Variants in UBE4A observed in about 807,000 individuals in gnomAD.
UBE4A encodes ubiquitin conjugation factor E4 A.
Under a neutral mutation model 117.9 loss-of-function variants are expected in UBE4A, and 48 were observed. The observed-to-expected ratio is 0.41, with a 90% CI of 0.32 to 0.52. UBE4A has a LOEUF of 0.52. Ranked by LOEUF, UBE4A falls within the 20% of genes least tolerant of loss-of-function variation. UBE4A has a pLI of 0.33. For synonymous variants in UBE4A, 407 were observed against 450.0 expected (o/e 0.90, Z 1.21); for missense variants, 1,067 against 1,296.3 (o/e 0.82, Z 2.72).
intron 18 of UBE4A, 123 bp downstream of exon 18, chr11:118,390,927 A>G (rs1591308637): frequency 3.1e-6 from 4 of 1,270,664 alleles, no homozygotes. Flanking sequence ...ACTTAAGCCC[A>G]GGAGTTTGAA....
chr11:118,367,396 C>T (rs1948572948), intron 2 of UBE4A, among the ~76,000 whole-genome samples: 1 of 151,922 alleles, frequency 6.6e-6, no homozygotes. Flanking sequence ...TTAAAACAAC[C>T]ATTAAATTGT....
In UBE4A at chr11:118,386,586, T is replaced by G; in HGVS notation, c.2561T>G (p.Ile854Ser). 1 of 1,583,338 alleles carries G rather than the reference T, an allele frequency of 6.3e-7. No individual in the cohort carries two copies. Among genetic ancestry groups the G allele is most frequent in the Non-Finnish European group, 8.6e-7 (1 of 1,168,946 alleles). Reference sequence around the variant, plus strand: ...CATAACATCATGTCCAATGAAACAATCGGTACCCTTGCCTTTCTCACATCA... The same window carrying G: ...CATAACATCATGTCCAATGAAACAAGCGGTACCCTTGCCTTTCTCACATCA... ...RFHNIMSNET[I>S]GTLAFLTSEI... The change falls in exon 16 of 20, where the codon ATC (isoleucine) becomes AGC (serine). Residue 854 changes from isoleucine to serine, a missense_variant. By Grantham distance (142) the Ile-to-Ser change is moderately radical. This residue lies in a region of UBE4A where 1,001 missense variants were observed against 1,184.0 expected (regional missense o/e 0.85). Coordinates refer to ENST00000252108, the MANE Select transcript of UBE4A (RefSeq NM_001204077.2).
chr11:118,372,436 A>G, intron 5 of UBE4A, 71 bp from the exon 6 acceptor site: 2 of 1,477,906 alleles, frequency 1.4e-6, no homozygotes, highest in Non-Finnish European at 1.8e-6. Flanking sequence ...CTTCTATTGT[A>G]TTCACTATGT....
intron 16 of UBE4A, among the ~76,000 whole-genome samples, chr11:118,389,180 G>C (rs1025787358): frequency 2.0e-5 from 3 of 152,144 alleles, no homozygotes; most frequent in Admixed American, 2.0e-4. Flanking sequence ...TTCTGTGATG[G>C]TGAAAATGTC....
At chr11:118,374,632 C>T (rs1020571493) in intron 8 of UBE4A, among the ~76,000 whole-genome samples, 1 of 152,160 alleles carries the variant, frequency 6.6e-6, no homozygotes, top group Non-Finnish European at 1.5e-5. Context: ...GCCAGAAATC[C>T]TTATTGTCTA....
chr11:118,370,913 C>T (rs1223647266), intron 4 of UBE4A, among the ~76,000 whole-genome samples: 1 of 152,176 alleles, frequency 6.6e-6, no homozygotes, highest in Non-Finnish European at 1.5e-5. Context: ...TCATTCAGCA[C>T]CTTGAGAAAA....
chr11:118,373,035 G>T, intron 6 of UBE4A, 51 bp from the exon 7 acceptor site: 1 of 1,499,936 alleles, frequency 6.7e-7, no homozygotes. Context: ...GTGTGTAAAG[G>T]CATATAAAAA....
rs782596932 is a variant in UBE4A at position 118,384,674 on chromosome 11, G to A, written c.2237G>A (p.Arg746His). 7.4e-6 allele frequency: 12 copies of A among 1,613,878 alleles called. No homozygotes were observed. The highest frequency in any genetic ancestry group is 4.2e-6 in the Non-Finnish European group (5 of 1,179,994). ...HQFEQKFNYR[R>H]PMYPILRYMW... ...TTTGAACAGAAGTTTAATTACCGCC[G>A]TCCCATGTATCCTATCCTAAGATAC... The change falls in exon 14 of 20, where the codon CGT becomes CAT. Residue 746 changes from arginine (R) to histidine (H), a missense_variant. Transcript: ENST00000252108.
At position 118,370,091 on chromosome 11, in the gene UBE4A, C is replaced by CA. The variant is rs35175908; in HGVS notation, c.408+568dup. Among the ~76,000 whole-genome samples, 632 of 138,734 alleles carry CA rather than the reference C, an allele frequency of 4.6e-3. 2 individuals are homozygous for CA. Among genetic ancestry groups the CA allele is most frequent in the Non-Finnish European group, 6.1e-3 (388 of 63,248 alleles). 91.0% of individuals were successfully genotyped at this position (138,734 alleles called of 152,430 possible). A position where few individuals can be genotyped will look rare whatever the true frequency, so the allele number is the denominator to read the frequency against. On this transcript the variant is annotated intron_variant, in intron 4 of 19. Transcript: ENST00000252108. ...TGGACAACAGAGCAAGACTCCGTCT[C>CA]AAAAAAAAAAAAGAAAAAATTACAA... is the stretch of plus-strand genomic sequence containing the variant.
chr11:118,373,072 T>A lies in UBE4A; in HGVS notation c.722-14T>A, dbSNP rs1183076091. Reference sequence around the variant, plus strand: ...TCTTGTGCCCTCCTTTCTCTCTCATTTGTCTTCTGTTAGATTTTGAAGATG... The same window carrying A: ...TCTTGTGCCCTCCTTTCTCTCTCATATGTCTTCTGTTAGATTTTGAAGATG... On this transcript the variant is annotated splice_polypyrimidine_tract_variant and intron_variant, in intron 6 of 19. Transcript: ENST00000252108. 6.2e-7 allele frequency: 1 copy of A among 1,613,004 alleles called. No individual in the cohort carries two copies. Among genetic ancestry groups the A allele is most frequent in the Non-Finnish European group, 8.5e-7 (1 of 1,179,510 alleles).
intron 10 of UBE4A, 87 bp from the exon 11 acceptor site, chr11:118,379,359 G>C: frequency 7.1e-7 from 1 of 1,414,942 alleles, no homozygotes; most frequent in Non-Finnish European, 9.7e-7. Context: ...TATCCTTAAA[G>C]AGAAGGCTAG....
chr11:118,371,436 C>CA (rs1434552843), intron 4 of UBE4A, 78 bp from the exon 5 acceptor site: 1 of 1,472,090 alleles, frequency 6.8e-7, no homozygotes, highest in African/African-American at 1.4e-5. Context: ...TAACCTGTGT[C>CA]AGAATTACCT....
intron 4 of UBE4A, 136 bp from the exon 5 acceptor site, chr11:118,371,377 GC>G (rs1322558442): frequency 1.9e-6 from 2 of 1,048,006 alleles, no homozygotes; most frequent in Non-Finnish European, 2.7e-6. Flanking sequence ...AATATACAGG[GC>G]CCTTTTTTTC....
At position 118,385,655 on chromosome 11, in the gene UBE4A, G is replaced by A. The variant is rs142259998; in HGVS notation, c.2412+710G>A. On this transcript the variant is annotated intron_variant, in intron 15 of 19. Transcript: ENST00000252108. ...CCCTTACCTGTGATGGGTATAGGAT[G>A]GACAAGGCACTGACCTAAAGGGAGA... is the stretch of plus-strand genomic sequence containing the variant. Among the ~76,000 whole-genome samples, 583 of 152,300 alleles carry A rather than the reference G, an allele frequency of 3.8e-3. 5 individuals are homozygous for A. The highest frequency in any genetic ancestry group is 0.013 in the African/African-American group (533 of 41,558).
rs1469416886 is a variant in UBE4A, at chr11:118,373,186, T to C, written c.822T>C (p.Asp274=). The change falls in exon 7 of 20, where the codon GAT becomes GAC. Residue 274 remains aspartate, a synonymous_variant. Transcript: ENST00000252108. The part of the protein sequence containing the change: ...TFPEVMIPVF[D]ILLGRIKDLE... ...CAGAAGTCATGATTCCAGTGTTTGA[T>C]ATTTTATTGGGCCGAATAAAAGATC... 6.2e-7 allele frequency: 1 copy of C among 1,614,046 alleles called. No individual in the cohort carries two copies. The highest frequency in any genetic ancestry group is 1.7e-5 in the Admixed American group (1 of 60,026).
In UBE4A at chr11:118,372,548, G is replaced by A; in HGVS notation, c.603G>A (p.Gln201=). Residue 201 remains glutamine (Q), a synonymous_variant, in exon 6 of 20, where the codon CAG becomes CAA. Coordinates refer to ENST00000252108, the MANE Select transcript of UBE4A (RefSeq NM_001204077.2). ...AGAACCTGCTACCCTTTGCAGTGCA[G>A]TGCAGAAACCTCACTGTGTCCAATA... The part of the protein sequence containing the change: ...VPENLLPFAV[Q]CRNLTVSNTR... The A allele has an allele frequency of 6.2e-7, 1 of 1,613,844 alleles. No homozygotes were observed. Among genetic ancestry groups the A allele is most frequent in the Non-Finnish European group, 8.5e-7 (1 of 1,179,984 alleles).
intron 9 of UBE4A, among the ~76,000 whole-genome samples, chr11:118,376,222 A>C (rs1375221201): frequency 6.6e-6 from 1 of 152,236 alleles, no homozygotes; most frequent in Non-Finnish European, 1.5e-5. Context: ...AATCACTCTT[A>C]ATTTTGGTAT....
intron 5 of UBE4A, 67 bp from the exon 6 acceptor site, chr11:118,372,440 A>G: frequency 6.7e-7 from 1 of 1,496,252 alleles, no homozygotes; most frequent in East Asian, 2.3e-5. Context: ...TATTGTATTC[A>G]CTATGTCTAC....
intron 19 of UBE4A, among the ~76,000 whole-genome samples, chr11:118,394,336 A>G (rs186375396): frequency 6.1e-4 from 93 of 152,090 alleles, no homozygotes; most frequent in Non-Finnish European, 1.3e-3. Flanking sequence ...TTATTTTTGT[A>G]TTTTTTGTAG....
Sources: gnomAD v4.1 joint callset for allele counts (sites outside exome capture counted in the v4.1 genomes callset) on GRCh38, gnomAD v4.1.1 for gene constraint, gnomAD v4.1.1 regional missense constraint, MANE v1.5 for transcripts, NCBI Gene and HGNC (gene_info 2026-07-23, HGNC 2026-07-21) for gene names.